Variants in IFT70A observed in about 807,000 individuals in gnomAD.
IFT70A encodes intraflagellar transport protein 70A.
At chr2:177,616,866 A>G in the IFT70A span, 1 of 1,593,706 alleles carries the variant, frequency 6.3e-7, no homozygotes, top group Non-Finnish European at 8.5e-7. Context: ...AAAACTGGAC[A>G]CATTCTTGAA....
chr2:177,618,488 C>T, the IFT70A span: 15 of 1,586,924 alleles, frequency 9.5e-6, no homozygotes, highest in South Asian at 5.6e-5. Context: ...TGCAGCTGGC[C>T]CAGCTGCTCA....
chr2:177,616,598 T>A, the IFT70A span: 5 of 1,081,762 alleles, frequency 4.6e-6, no homozygotes, highest in Non-Finnish European at 5.1e-6. Flanking sequence ...ACAAAGTGGA[T>A]AAGATTCAAA....
chr2:177,618,441 C>T, the IFT70A span: 2 of 1,607,630 alleles, frequency 1.2e-6, no homozygotes, highest in Non-Finnish European at 1.7e-6. Context: ...TGTACAGGGC[C>T]TGGGCCTGGT....
the IFT70A span, chr2:177,617,485 T>A: frequency 1.9e-6 from 3 of 1,614,210 alleles, no homozygotes; most frequent in South Asian, 3.3e-5. Flanking sequence ...GATAGCTTCA[T>A]CATCTCTGTT....
At chr2:177,618,356 G>T in the IFT70A span, 27 of 1,613,626 alleles carry the variant, frequency 1.7e-5, no homozygotes, top group East Asian at 5.6e-4. Flanking sequence ...TGCAGGCGGA[G>T]GACCCGGCTG....
chr2:177,616,805 G>A, the IFT70A span: 5 of 1,599,910 alleles, frequency 3.1e-6, no homozygotes, highest in Non-Finnish European at 4.3e-6. Flanking sequence ...TCTTCGAGGG[G>A]TTGTTCAATA....
At chr2:177,617,477 T>C in the IFT70A span, 61 of 1,614,018 alleles carry the variant, frequency 3.8e-5, no homozygotes, top group South Asian at 1.1e-5. Flanking sequence ...GCCTTTTTGA[T>C]AGCTTCATCA....
At chr2:177,617,204 C>T in the IFT70A span, 4 of 1,605,790 alleles carry the variant, frequency 2.5e-6, no homozygotes, top group Non-Finnish European at 3.4e-6. Context: ...TTAGCCAGTA[C>T]AATAGCACTG....
At chr2:177,616,900 A>T in the IFT70A span, 1 of 1,595,870 alleles carries the variant, frequency 6.3e-7, no homozygotes, top group Admixed American at 1.8e-5. Flanking sequence ...AATGACTATC[A>T]TGTGTTTTGA....
chr2:177,616,892 T>A, the IFT70A span: 76 of 1,594,322 alleles, frequency 4.8e-5, no homozygotes, highest in Admixed American at 7.1e-5. Flanking sequence ...CTGTCATGAA[T>A]GACTATCATG....
chr2:177,614,168 C>G, the IFT70A span: 6 of 152,008 alleles, frequency 3.9e-5, no homozygotes, highest in Admixed American at 3.3e-4. Context: ...AGAGTAATCA[C>G]TTAGTAAAGA....
At chr2:177,616,163 T>C in the IFT70A span, 1 of 152,224 alleles carries the variant, frequency 6.6e-6, no homozygotes, top group Non-Finnish European at 1.5e-5. Context: ...AGGTCTAAAC[T>C]AGACTTCGTT....
the IFT70A span, chr2:177,617,557 A>G: frequency 6.2e-7 from 1 of 1,614,244 alleles, no homozygotes; most frequent in South Asian, 1.1e-5. Context: ...CATCCCTGCT[A>G]GCCCATCAAG....
At chr2:177,615,224 AG>A in the IFT70A span, 1 of 152,234 alleles carries the variant, frequency 6.6e-6, no homozygotes, top group African/African-American at 2.4e-5. Context: ...TGTTAGAAGC[AG>A]GAGAGGCTCT....
chr2:177,618,025 C>T, the IFT70A span: 23 of 1,613,888 alleles, frequency 1.4e-5, no homozygotes, highest in Non-Finnish European at 1.7e-5. Context: ...CATGCCCACA[C>T]CTAGCTCAGG....
chr2:177,615,432 A>C, the IFT70A span: 1 of 152,204 alleles, frequency 6.6e-6, no homozygotes, highest in Middle Eastern at 3.4e-3. Flanking sequence ...TAAAATTATT[A>C]ATTTATGCGC....
At chr2:177,618,603 C>T in the IFT70A span, 1 of 1,606,764 alleles carries the variant, frequency 6.2e-7, no homozygotes. Context: ...CTCGGCCCAG[C>T]AGCTGCACCG....
the IFT70A span, chr2:177,618,741 A>G: frequency 6.6e-7 from 1 of 1,505,548 alleles, no homozygotes; most frequent in South Asian, 1.4e-5. Flanking sequence ...CCACGGCAAC[A>G]GGGCAACCGG....
chr2:177,617,783 C>T, the IFT70A span: 1 of 1,614,162 alleles, frequency 6.2e-7, no homozygotes, highest in Non-Finnish European at 8.5e-7. Context: ...TGTAGCTTTT[C>T]AAACCCTTCT....
Sources: allele counts gnomAD v4.1 joint callset, GRCh38; gene constraint gnomAD v4.1.1; transcripts MANE v1.5; gene names NCBI Gene and HGNC (gene_info 2026-07-23, HGNC 2026-07-21).